Variants in IMPA1 observed in about 807,000 individuals in gnomAD.
IMPA1 encodes inositol monophosphatase 1, also known as D-galactose 1-phosphate phosphatase.
A neutral mutation model predicts 34.9 loss-of-function variants in IMPA1; 21 were observed. The ratio of observed to expected loss-of-function variants is 0.60; its 90% CI spans 0.43 to 0.87. The LOEUF is 0.87. Among genes scored for constraint, IMPA1 ranks in the 40% least tolerant of loss-of-function variants. IMPA1 has a pLI of 0.00. For synonymous variants in IMPA1, 95 were observed against 104.4 expected, an observed-to-expected ratio of 0.91 and a Z score of 0.55; for missense variants, 299 against 336.4, an observed-to-expected ratio of 0.89 and a Z score of 0.87.
chr8:81,669,830 T>G (rs759415186), intron 7 of IMPA1, among the ~76,000 whole-genome samples: 20 of 152,202 alleles, frequency 1.3e-4, no homozygotes, highest in Non-Finnish European at 2.6e-4. Context: ...CTAGCAGTAC[T>G]GAAAGGTGGG....
intron 5 of IMPA1, 197 bp from the exon 6 acceptor site, chr8:81,674,146 C>A (rs1164200112): frequency 2.0e-6 from 1 of 494,946 alleles, no homozygotes; most frequent in Non-Finnish European, 3.6e-6. Flanking sequence ...TGACTCTCCT[C>A]CCATCCAAGT....
Position 81,685,249 on chromosome 8 carries a change from C to G in IMPA1, c.-25+1003G>C, listed in dbSNP as rs1327265842. Among the ~76,000 whole-genome samples, 61 of 71,178 alleles carry G rather than the reference C, an allele frequency of 8.6e-4. 1 individual carries two copies. Among genetic ancestry groups the G allele is most frequent in the African/African-American group, 3.0e-3 (41 of 13,562 alleles). 46.7% of individuals were successfully genotyped at this position (71,178 alleles called of 152,430 possible). On this transcript the variant is annotated intron_variant, in intron 1 of 8. Coordinates refer to ENST00000256108, the MANE Select transcript of IMPA1 (RefSeq NM_005536.4). ...TAAGTATATTTAGATACTATATATACTATACATAAGTATAGATACTATATA... is the reference window on the plus strand; with the variant it reads ...TAAGTATATTTAGATACTATATATAGTATACATAAGTATAGATACTATATA...
chr8:81,680,002 G>A (rs1807246316), intron 3 of IMPA1, among the ~76,000 whole-genome samples: 1 of 151,908 alleles, frequency 6.6e-6, no homozygotes. Flanking sequence ...AGGCGTGGTG[G>A]CATGCACCTG....
chr8:81,675,972 T>C (rs1413549766), intron 5 of IMPA1, among the ~76,000 whole-genome samples: 7 of 152,350 alleles, frequency 4.6e-5, no homozygotes, highest in Admixed American at 3.9e-4. Flanking sequence ...ATCACACATA[T>C]AATGGTTACT....
intron 3 of IMPA1, 148 bp from the exon 4 acceptor site, chr8:81,679,378 C>T: frequency 1.7e-6 from 1 of 601,430 alleles, no homozygotes; most frequent in Non-Finnish European, 3.0e-6. Context: ...CTTTGGGAGG[C>T]CAGGGAGGGC....
intron 7 of IMPA1, among the ~76,000 whole-genome samples, chr8:81,669,989 T>C (rs1212260553): frequency 1.3e-5 from 2 of 152,214 alleles, no homozygotes; most frequent in Non-Finnish European, 2.9e-5. Flanking sequence ...TGTCACATTC[T>C]GTGCTGCCTC....
chr8:81,685,544 G>C (rs190220982), intron 1 of IMPA1, among the ~76,000 whole-genome samples: 13 of 143,704 alleles, frequency 9.0e-5, no homozygotes, highest in African/African-American at 3.3e-4. Flanking sequence ...GTATATATAC[G>C]TAAGTATATT....
chr8:81,673,435 C>T (rs1300492551), intron 6 of IMPA1, among the ~76,000 whole-genome samples: 3 of 152,172 alleles, frequency 2.0e-5, no homozygotes, highest in East Asian at 1.9e-4. Flanking sequence ...TGATGTTTCA[C>T]GACTCCCTAA....
At chr8:81,678,171 A>G (rs1161977010) in intron 4 of IMPA1, among the ~76,000 whole-genome samples, 2 of 144,520 alleles carry the variant, frequency 1.4e-5, no homozygotes, top group Non-Finnish European at 3.1e-5. Flanking sequence ...CACCCATGCA[A>G]TTTTTTTTTT....
At chr8:81,659,998 A>T (rs1325695860) in intron 8 of IMPA1, among the ~76,000 whole-genome samples, 1 of 152,194 alleles carries the variant, frequency 6.6e-6, no homozygotes, top group Admixed American at 6.5e-5. Context: ...TATAAGCCTC[A>T]GACTCGGTGA....
chr8:81,674,016 T>C (rs1807065646), intron 5 of IMPA1, 67 bp from the exon 6 acceptor site: 1 of 944,970 alleles, frequency 1.1e-6, no homozygotes. Flanking sequence ...TCTAAGAAAA[T>C]AACAAGACAA....
At chr8:81,675,498 T>C (rs1043214337) in intron 5 of IMPA1, among the ~76,000 whole-genome samples, 2 of 152,216 alleles carry the variant, frequency 1.3e-5, no homozygotes, top group African/African-American at 4.8e-5. Context: ...GCTGATTATA[T>C]ACTGAAAGCT....
At chr8:81,685,950 C>T (rs919373480) in intron 1 of IMPA1, 19 of 1,518,286 alleles carry the variant, frequency 1.3e-5, no homozygotes, top group Non-Finnish European at 1.6e-5. Flanking sequence ...GGGGATGCAC[C>T]AAGTTTCTAG....
At position 81,685,573 on chromosome 8, in the gene IMPA1, A is replaced by G. The variant is rs557410347; in HGVS notation, c.-25+679T>C. ...GTATATTTATGTACTATATATAAGT[A>G]TACAGAAGTATATTTATGTACTATA... On this transcript the variant is annotated intron_variant, in intron 1 of 8. Transcript: ENST00000256108. Among the ~76,000 whole-genome samples the G allele has an allele frequency of 4.9e-5, 7 of 143,364 alleles. No homozygotes were observed. The East Asian group carries it at 1.4e-3, about 29-fold the overall frequency. 94.1% of individuals were successfully genotyped at this position (143,364 alleles called of 152,430 possible).
At chr8:81,661,935 TCA>T (rs1585887907) in intron 7 of IMPA1, among the ~76,000 whole-genome samples, 1 of 152,348 alleles carries the variant, frequency 6.6e-6, no homozygotes, top group Middle Eastern at 3.4e-3. Context: ...ATGAGATCTT[TCA>T]CAGTTTATTT....
chr8:81,671,321 A>T (rs1806983474), intron 6 of IMPA1, among the ~76,000 whole-genome samples: 1 of 152,196 alleles, frequency 6.6e-6, no homozygotes, highest in Admixed American at 6.5e-5. Flanking sequence ...TGTCTTAAAT[A>T]TTTAAAAAGG....
chr8:81,683,223 G>T (rs1807351515), intron 1 of IMPA1, among the ~76,000 whole-genome samples: 1 of 152,170 alleles, frequency 6.6e-6, no homozygotes, highest in South Asian at 2.1e-4. Flanking sequence ...AGGTAGTGGG[G>T]ATCATCCTCT....
In IMPA1 at chr8:81,660,685, G is replaced by A; in HGVS notation, c.567-18C>T. 2 of 1,580,542 alleles carry A rather than the reference G, an allele frequency of 1.3e-6. No individual in the cohort carries two copies. Among genetic ancestry groups the A allele is most frequent in the Non-Finnish European group, 1.7e-6 (2 of 1,160,858 alleles). On this transcript the variant is annotated intron_variant, in intron 7 of 8. Transcript: ENST00000256108. ...TCCGGATCCTAACAAATAGAATTTA[G>A]AAATAAAATTGGAAAAAATAATCCT... is the stretch of plus-strand genomic sequence containing the variant.
intron 4 of IMPA1, among the ~76,000 whole-genome samples, chr8:81,677,159 G>C (rs539693155): frequency 6.6e-6 from 1 of 151,474 alleles, no homozygotes; most frequent in South Asian, 2.1e-4. Flanking sequence ...GCAATGGCAC[G>C]ATCTCAGCCC....
Sources: gnomAD v4.1 joint callset for allele counts (sites outside exome capture counted in the v4.1 genomes callset) on GRCh38, gnomAD v4.1.1 for gene constraint, MANE v1.5 for transcripts, NCBI Gene and HGNC (gene_info 2026-07-23, HGNC 2026-07-21) for gene names.